ANO4: variants seen among roughly 807,000 people sequenced by gnomAD.
ANO4 encodes the protein anoctamin-4.
ANO4 carries 69 observed loss-of-function variants against 141.9 expected under a neutral mutation model. The observed-to-expected ratio is 0.49, with a 90% CI of 0.40 to 0.59. ANO4 has a LOEUF of 0.59. ANO4 is among the 20% of genes least tolerant of loss of function. ANO4 has a pLI of 0.00. For synonymous variants in ANO4, 350 were observed against 394.3 expected, an observed-to-expected ratio of 0.89 and a Z score of 1.33; for missense variants, 894 against 1,162.2, an observed-to-expected ratio of 0.77 and a Z score of 3.36.
intron 25 of ANO4, among the ~76,000 whole-genome samples, chr12:101,117,166 T>C (rs1435616432): frequency 3.9e-5 from 6 of 152,220 alleles, no homozygotes; most frequent in African/African-American, 9.6e-5. Context: ...TTTGTTCTGC[T>C]TCTCTCTCTT....
At chr12:101,023,751 A>T (rs1188312919) in intron 9 of ANO4, among the ~76,000 whole-genome samples, 1 of 152,208 alleles carries the variant, frequency 6.6e-6, no homozygotes, top group Non-Finnish European at 1.5e-5. Context: ...TCAGATAGTA[A>T]ATTATTAAGC....
intron 14 of ANO4, among the ~76,000 whole-genome samples, chr12:101,063,235 A>G (rs1360548949): frequency 1.3e-5 from 2 of 152,140 alleles, no homozygotes; most frequent in African/African-American, 4.8e-5. Flanking sequence ...ACCAGTCCCA[A>G]TGAGATGAGC....
chr12:101,087,827 C>G (rs577183254), intron 17 of ANO4, among the ~76,000 whole-genome samples: 1 of 152,300 alleles, frequency 6.6e-6, no homozygotes, highest in Admixed American at 6.5e-5. Flanking sequence ...ATTTCTCTGG[C>G]TGTCTAAATG....
intron 5 of ANO4, among the ~76,000 whole-genome samples, chr12:100,962,840 C>T (rs7972789): frequency 0.17 from 25,313 of 152,058 alleles, 2,425 homozygotes; most frequent in East Asian, 0.42. Context: ...AGGAGCCCAG[C>T]CATGAGGCTG....
chr12:101,068,746 G>T (rs1040664540), intron 14 of ANO4: 1 of 1,297,358 alleles, frequency 7.7e-7, no homozygotes, highest in South Asian at 1.2e-5. Flanking sequence ...TGTTGCCGAT[G>T]ACTATATTCA....
chr12:100,868,391 A>G (rs2038867500), intron 1 of ANO4, among the ~76,000 whole-genome samples: 1 of 152,024 alleles, frequency 6.6e-6, no homozygotes, highest in African/African-American at 2.4e-5. Context: ...GCCAAGTAGC[A>G]CCTTAGTAGG....
chr12:100,986,650 C>T (rs932426711), intron 7 of ANO4, among the ~76,000 whole-genome samples: 2 of 152,084 alleles, frequency 1.3e-5, no homozygotes, highest in Non-Finnish European at 2.9e-5. Context: ...TGACCAAATT[C>T]CACGTGTTTT....
chr12:100,953,872 C>T (rs1566051802), intron 5 of ANO4, among the ~76,000 whole-genome samples: 2 of 148,860 alleles, frequency 1.3e-5, no homozygotes, highest in South Asian at 4.2e-4. Flanking sequence ...AGTGGAGTAA[C>T]TGAATGGGGG....
At chr12:100,792,490 A>G (rs1364741817), upstream of ANO4, among the ~76,000 whole-genome samples, 1 of 152,202 alleles carries the variant, frequency 6.6e-6, no homozygotes, top group Non-Finnish European at 1.5e-5. Context: ...CCCAAGTTTA[A>G]TTGACTTGTA....
chr12:100,771,617 C>T (rs978124106), intron 3 of ANO4, among the ~76,000 whole-genome samples: 1 of 152,036 alleles, frequency 6.6e-6, no homozygotes, highest in African/African-American at 2.4e-5. Context: ...GACCCAGGGG[C>T]TAGGAGAAGG....
chr12:101,102,145 GT>G (rs2050217006), intron 22 of ANO4, among the ~76,000 whole-genome samples: 1 of 152,032 alleles, frequency 6.6e-6, no homozygotes, highest in African/African-American at 2.4e-5. Context: ...CACTTGTGTT[GT>G]TTCCAAATTT....
upstream of ANO4, among the ~76,000 whole-genome samples, chr12:100,792,680 A>G (rs755980500): frequency 2.0e-5 from 3 of 152,242 alleles, no homozygotes; most frequent in Non-Finnish European, 4.4e-5. Flanking sequence ...GCAGTTACTT[A>G]ATCCACTAGA....
chr12:100,877,762 T>A (rs1283904299), intron 1 of ANO4, among the ~76,000 whole-genome samples: 3 of 152,134 alleles, frequency 2.0e-5, no homozygotes, highest in Non-Finnish European at 4.4e-5. Flanking sequence ...AGAGGGATAG[T>A]TGAGTTTAGA....
chr12:100,778,851 A>G (rs542381419), intron 3 of ANO4, among the ~76,000 whole-genome samples: 2 of 152,336 alleles, frequency 1.3e-5, no homozygotes, highest in East Asian at 3.9e-4. Context: ...TTAGCATCGT[A>G]TTAAAGTTAT....
chr12:101,109,483 C>T (rs2137008933), intron 22 of ANO4, among the ~76,000 whole-genome samples: 1 of 152,128 alleles, frequency 6.6e-6, no homozygotes, highest in African/African-American at 2.4e-5. Flanking sequence ...ATCACTTGAA[C>T]CCAGGAGGCG....
At chr12:100,717,476 G>A (rs1040055567), upstream of ANO4, 6 of 398,170 alleles carry the variant, frequency 1.5e-5, no homozygotes, top group South Asian at 1.3e-4. Flanking sequence ...AGCGCGCAGG[G>A]GGCCGCTCTA....
chr12:101,122,032 C>T (rs531227000), intron 26 of ANO4, among the ~76,000 whole-genome samples: 1 of 152,252 alleles, frequency 6.6e-6, no homozygotes, highest in Admixed American at 6.5e-5. Context: ...GCTGGGATTA[C>T]AGGCGTGAGC....
At chr12:101,079,866 C>T (rs887267248) in intron 15 of ANO4, among the ~76,000 whole-genome samples, 2 of 152,194 alleles carry the variant, frequency 1.3e-5, no homozygotes, top group African/African-American at 2.4e-5. Flanking sequence ...TAGGCCAGTC[C>T]GTTGTTCTCC....
intron 5 of ANO4, among the ~76,000 whole-genome samples, chr12:100,944,135 T>C (rs926010457): frequency 6.6e-6 from 1 of 152,216 alleles, no homozygotes; most frequent in African/African-American, 2.4e-5. Flanking sequence ...CGTGATTTAT[T>C]CGTTAGAACT....
Sources: allele counts gnomAD v4.1 joint callset (sites outside exome capture counted in the v4.1 genomes callset), GRCh38; gene constraint gnomAD v4.1.1; transcripts MANE v1.5; gene names NCBI Gene and HGNC (gene_info 2026-07-23, HGNC 2026-07-21).